Variants in PAWR observed in about 807,000 individuals in gnomAD.
PAWR encodes the protein pro-apoptotic WT1 regulator, also known as PRKC apoptosis WT1 regulator protein.
A neutral mutation model predicts 32.0 loss-of-function variants in PAWR; 23 were observed. The observed-to-expected ratio is 0.72, with a 90% confidence interval of 0.52 to 1.02. The LOEUF (loss-of-function observed/expected upper bound fraction) is 1.02. Among genes scored for constraint, PAWR ranks in the 50% least tolerant of loss-of-function variants. The probability of loss-of-function intolerance (pLI) is 0.00; values close to 1 mark genes in which losing one functional copy is unlikely to be tolerated. For missense variants in PAWR, 457 were observed against 437.7 expected (o/e 1.04, Z -0.39); for synonymous variants, 226 against 187.1 (o/e 1.21, Z -1.70).
chr12:79,690,328 C>G lies in PAWR; in HGVS notation c.-84G>C, dbSNP rs895469772. 2.2e-6 allele frequency: 3 copies of G among 1,358,856 alleles called. No homozygotes were observed. Among genetic ancestry groups the G allele is most frequent in the Non-Finnish European group, 2.8e-6 (3 of 1,059,404 alleles). The allele number at this position is 1,358,856 out of a possible 1,614,324, so 84.2% of individuals were successfully genotyped here. The stretch of plus-strand genomic sequence containing the variant: ...TGCCTCCTCTTCCTTCCTGCGGCCC[C>G]GAGGATGCCAGGAGACGACCTCCAG... On this transcript the variant is annotated 5_prime_UTR_variant, in exon 2 of 7. Coordinates refer to ENST00000328827, the MANE Select transcript of PAWR (RefSeq NM_002583.4).
intron 2 of PAWR, among the ~76,000 whole-genome samples, chr12:79,660,944 T>C (rs1490467045): frequency 6.6e-6 from 1 of 151,474 alleles, no homozygotes; most frequent in Non-Finnish European, 1.5e-5. Flanking sequence ...ATTAAGTCCA[T>C]ATAGCTAAGA....
Position 79,621,194 on chromosome 12 carries a change from T to A in PAWR, c.530A>T (p.Tyr177Phe). 1 of 1,610,364 alleles carries A rather than the reference T, an allele frequency of 6.2e-7. No homozygotes were observed. The highest frequency in any genetic ancestry group is 8.5e-7 in the Non-Finnish European group (1 of 1,179,046). The change falls in exon 3 of 7, where the codon TAC becomes TTC. Residue 177 changes from tyrosine to phenylalanine, a missense_variant. Physicochemically the swap from Tyr to Phe is conservative, Grantham distance 22. Transcript: ENST00000328827. The part of the protein sequence containing the change: ...NIPAAECLDE[Y>F]EDDEAGQKER... Reference sequence around the variant, plus strand: ...TTTCTGCCCTGCTTCATCATCTTCGTACTCATCTAAGCACTGAAAGAAAAA... The same window carrying A: ...TTTCTGCCCTGCTTCATCATCTTCGAACTCATCTAAGCACTGAAAGAAAAA...
At position 79,592,654 on chromosome 12, in the gene PAWR, G is replaced by C. The variant is rs1166932548; in HGVS notation, c.976C>G (p.Gln326Glu). The change falls in exon 7 of 7, where the codon CAG becomes GAG. Residue 326 changes from glutamine to glutamate, a missense_variant. Physicochemically the swap from Gln to Glu is conservative, Grantham distance 29. Transcript: ENST00000328827. ...DIEDENEQLK[Q>E]ENKTLLKVVG... ...ACTTTCAAAAGAGTTTTATTTTCCT[G>C]CTTTAGCTGTTCATTTTCATCTTCT... 1.3e-6 allele frequency: 1 copy of C among 766,852 alleles called. No homozygotes were observed. Among genetic ancestry groups the C allele is most frequent in the Non-Finnish European group, 2.4e-6 (1 of 415,224 alleles). 47.5% of individuals were successfully genotyped at this position (766,852 alleles called of 1,614,324 possible).
chr12:79,598,146 C>T (rs912306685), intron 4 of PAWR, among the ~76,000 whole-genome samples: 3 of 152,158 alleles, frequency 2.0e-5, no homozygotes, highest in East Asian at 1.9e-4. Flanking sequence ...TCACACTGAC[C>T]TTATTCTATT....
intron 4 of PAWR, among the ~76,000 whole-genome samples, chr12:79,600,367 GAA>G (rs1160737337): frequency 6.7e-6 from 1 of 150,180 alleles, no homozygotes; most frequent in African/African-American, 2.4e-5. Context: ...TCTAAAGAAT[GAA>G]AAAGATTTTT....
intron 2 of PAWR, among the ~76,000 whole-genome samples, chr12:79,680,242 T>C (rs756260433): frequency 1.3e-5 from 2 of 152,184 alleles, no homozygotes; most frequent in Non-Finnish European, 2.9e-5. Flanking sequence ...CGTAGAAATA[T>C]ATGCATACAC....
intron 4 of PAWR, among the ~76,000 whole-genome samples, chr12:79,608,978 A>G (rs1231454683): frequency 5.9e-5 from 9 of 152,202 alleles, no homozygotes. Flanking sequence ...TCAGGAGGTA[A>G]AGGTTGCTTC....
At chr12:79,635,172 A>G (rs1021007483) in intron 2 of PAWR, among the ~76,000 whole-genome samples, 1 of 152,046 alleles carries the variant, frequency 6.6e-6, no homozygotes, top group Non-Finnish European at 1.5e-5. Flanking sequence ...GCTCCCTGAA[A>G]AAGACTCCCT....
At chr12:79,664,999 A>G (rs996510967) in intron 2 of PAWR, among the ~76,000 whole-genome samples, 1 of 152,152 alleles carries the variant, frequency 6.6e-6, no homozygotes, top group East Asian at 1.9e-4. Flanking sequence ...CCATTTTCCA[A>G]AAGTCAACAA....
At chr12:79,625,681 G>A (rs550331535) in intron 2 of PAWR, among the ~76,000 whole-genome samples, 7 of 152,104 alleles carry the variant, frequency 4.6e-5, no homozygotes, top group African/African-American at 1.2e-4. Flanking sequence ...TTAGCTGGCC[G>A]TGGTGGTGGG....
chr12:79,626,265 CT>C (rs1393075455), intron 2 of PAWR, among the ~76,000 whole-genome samples: 155 of 137,940 alleles, frequency 1.1e-3, no homozygotes, highest in Non-Finnish European at 1.3e-3. Context: ...AATGAAATGA[CT>C]TTTTTTTTTT....
At position 79,689,876 on chromosome 12, in the gene PAWR, G is replaced by C; in HGVS notation, c.369C>G (p.Pro123=). The C allele has an allele frequency of 6.4e-7, 1 of 1,558,456 alleles. No homozygotes were observed. Among genetic ancestry groups the C allele is most frequent in the Non-Finnish European group, 8.7e-7 (1 of 1,153,024 alleles). Residue 123 remains proline (P), a synonymous_variant, in exon 2 of 7, where the codon CCC becomes CCG. Transcript: ENST00000328827. ...CGTCCGGCTCCTCCTCGTCACGCTGGGGCGGCGGTGCAGCCGAGGCAGAGG... is the reference window on the plus strand; with the variant it reads ...CGTCCGGCTCCTCCTCGTCACGCTGCGGCGGCGGTGCAGCCGAGGCAGAGG... ...PAASASAAPP[P]QRDEEEPDGV...
intron 2 of PAWR, among the ~76,000 whole-genome samples, chr12:79,641,491 T>C (rs1368689835): frequency 1.3e-5 from 2 of 152,188 alleles, no homozygotes; most frequent in African/African-American, 4.8e-5. Flanking sequence ...TCTCTATTTT[T>C]ACTTATATAA....
At chr12:79,662,498 G>A (rs1460923835) in intron 2 of PAWR, among the ~76,000 whole-genome samples, 4 of 152,140 alleles carry the variant, frequency 2.6e-5, no homozygotes, top group African/African-American at 9.7e-5. Context: ...AGGAAATCTA[G>A]ATATCCTGCA....
intron 2 of PAWR, among the ~76,000 whole-genome samples, chr12:79,654,786 T>C (rs1285175792): frequency 6.6e-6 from 1 of 152,078 alleles, no homozygotes; most frequent in Non-Finnish European, 1.5e-5. Context: ...TCGTGAGAAT[T>C]CACTATCACG....
intron 2 of PAWR, among the ~76,000 whole-genome samples, chr12:79,631,085 T>TA (rs1446905521): frequency 6.6e-6 from 1 of 152,050 alleles, no homozygotes; most frequent in African/African-American, 2.4e-5. Context: ...AATACATTAG[T>TA]AAAAAGCATG....
At chr12:79,657,976 C>A (rs1877175222) in intron 2 of PAWR, among the ~76,000 whole-genome samples, 1 of 152,002 alleles carries the variant, frequency 6.6e-6, no homozygotes, top group African/African-American at 2.4e-5. Context: ...TATGAAAGAT[C>A]CATAATGTCA....
In PAWR at chr12:79,584,999, T is replaced by A. The variant is rs1592482598; in HGVS notation, c.*7608A>T. The A allele has an allele frequency of 1.9e-5, 5 of 262,166 alleles. No individual in the cohort carries two copies. In the East Asian group the frequency reaches 5.5e-4, roughly 29 times the overall value. 16.2% of individuals were successfully genotyped at this position (262,166 alleles called of 1,614,324 possible). A position where few individuals can be genotyped will look rare whatever the true frequency, so the allele number is the denominator to read the frequency against. On this transcript the variant is annotated 3_prime_UTR_variant, in exon 7 of 7. Coordinates refer to ENST00000328827, the MANE Select transcript of PAWR (RefSeq NM_002583.4). ...GATAAAACTTAACACAGACAAACAA[T>A]GATTTTATTCCATAGTCTCTTGGAC...
intron 4 of PAWR, among the ~76,000 whole-genome samples, chr12:79,599,544 G>A (rs1447834336): frequency 6.6e-6 from 1 of 152,192 alleles, no homozygotes; most frequent in Non-Finnish European, 1.5e-5. Flanking sequence ...TGTTGATACT[G>A]TAACCCTTTG....
Sources: allele counts gnomAD v4.1 joint callset (sites outside exome capture counted in the v4.1 genomes callset), GRCh38; gene constraint gnomAD v4.1.1; transcripts MANE v1.5; gene names NCBI Gene and HGNC (gene_info 2026-07-23, HGNC 2026-07-21).